HMGCLL1: variants seen among roughly 807,000 people sequenced by gnomAD.
HMGCLL1 encodes the protein 3-hydroxy-3-methylglutaryl-CoA lyase like 1, also known as 3-hydroxymethyl-3-methylglutaryl-CoA lyase, cytoplasmic.
In HMGCLL1, 36 loss-of-function variants were observed where a neutral mutation model predicts 39.1. That is an observed-to-expected ratio of 0.92 (90% CI 0.71 to 1.22). The LOEUF (loss-of-function observed/expected upper bound fraction) is 1.22. Ranked by LOEUF, HMGCLL1 falls within the 50% of genes most tolerant of loss-of-function variation. The pLI is 0.00. For synonymous variants in HMGCLL1, 149 were observed against 144.0 expected, an observed-to-expected ratio of 1.03 and a Z score of -0.25; for missense variants, 451 against 416.5, an observed-to-expected ratio of 1.08 and a Z score of -0.72.
At chr6:55,479,494 A>C (rs1185267579) in intron 7 of HMGCLL1, among the ~76,000 whole-genome samples, 2 of 151,586 alleles carry the variant, frequency 1.3e-5, no homozygotes, top group Non-Finnish European at 2.9e-5. Flanking sequence ...ACTTTCACAG[A>C]GCAATTACTA....
In HMGCLL1 at chr6:55,491,984, A is replaced by G. The variant is rs147237044; in HGVS notation, c.795+3435T>C. Among the ~76,000 whole-genome samples the G allele has an allele frequency of 1.1e-4, 17 of 152,126 alleles. No homozygotes were observed. In the East Asian group the frequency reaches 3.3e-3, roughly 29 times the overall value. ...AAGATCCCTCAGATCCCTCTACTAC[A>G]CTATTAGTGTGTGCTTTCCAGACTG... is the stretch of plus-strand genomic sequence containing the variant. On this transcript the variant is annotated intron_variant, in intron 7 of 8. Transcript: ENST00000274901.
At chr6:55,671,680 G>C in the HMGCLL1 span, among the ~76,000 whole-genome samples, 7 of 151,692 alleles carry the variant, frequency 4.6e-5, no homozygotes, top group South Asian at 2.1e-4. Context: ...CGTGGAGTTA[G>C]GTACCTGGGA....
At chr6:55,609,871 A>G in the HMGCLL1 span, among the ~76,000 whole-genome samples, 445 of 152,212 alleles carry the variant, frequency 2.9e-3, 1 homozygote, top group African/African-American at 0.01. Context: ...TGACATCTCT[A>G]GGTGCAGGTG....
chr6:55,622,695 A>G, the HMGCLL1 span, among the ~76,000 whole-genome samples: 3 of 152,074 alleles, frequency 2.0e-5, no homozygotes, highest in Admixed American at 6.6e-5. Context: ...ATCAACGTTC[A>G]TCAGATAAAT....
intron 1 of HMGCLL1, among the ~76,000 whole-genome samples, chr6:55,543,149 T>C (rs374325706): frequency 0.014 from 48 of 3,476 alleles, no homozygotes; most frequent in Middle Eastern, 0.083. Context: ...TATTATATAT[T>C]ATATATATTA....
At chr6:55,675,023 A>T in the HMGCLL1 span, among the ~76,000 whole-genome samples, 12 of 152,282 alleles carry the variant, frequency 7.9e-5, no homozygotes, top group African/African-American at 2.6e-4. Flanking sequence ...ATACTGATAC[A>T]TGCTGGAAGA....
chr6:55,556,987 ATTC>A (rs1770711838), intron 1 of HMGCLL1, among the ~76,000 whole-genome samples: 1 of 152,176 alleles, frequency 6.6e-6, no homozygotes, highest in Non-Finnish European at 1.5e-5. Context: ...TGTTAAATGT[ATTC>A]AAAACCTGCT....
At chr6:55,473,365 TC>T in intron 7 of HMGCLL1, among the ~76,000 whole-genome samples, 1 of 151,510 alleles carries the variant, frequency 6.6e-6, no homozygotes, top group African/African-American at 2.4e-5. Context: ...TTTATATGAT[TC>T]TTCTGTACTT....
At chr6:55,583,187 A>C (rs1391257630), upstream of HMGCLL1, among the ~76,000 whole-genome samples, 2 of 151,458 alleles carry the variant, frequency 1.3e-5, no homozygotes, top group South Asian at 4.2e-4. Context: ...GAAGCCATTT[A>C]TTTTTCTTTT....
At chr6:55,588,819 ATTC>A in the HMGCLL1 span, among the ~76,000 whole-genome samples, 1 of 152,200 alleles carries the variant, frequency 6.6e-6, no homozygotes. Flanking sequence ...AAATGGATAA[ATTC>A]TTCAACACAT....
chr6:55,463,006 G>C (rs1359745427), intron 7 of HMGCLL1, among the ~76,000 whole-genome samples: 2 of 150,080 alleles, frequency 1.3e-5, no homozygotes, highest in Admixed American at 6.7e-5. Flanking sequence ...TTGGTGTTGA[G>C]TCCAATCTTT....
At chr6:55,566,803 T>A (rs1362331882) in intron 1 of HMGCLL1, among the ~76,000 whole-genome samples, 1 of 152,122 alleles carries the variant, frequency 6.6e-6, no homozygotes, top group Non-Finnish European at 1.5e-5. Context: ...CCACCAGGAT[T>A]TAAAAGTAGG....
the HMGCLL1 span, among the ~76,000 whole-genome samples, chr6:55,654,791 T>A: frequency 1.3e-5 from 2 of 151,906 alleles, no homozygotes; most frequent in Non-Finnish European, 2.9e-5. Context: ...ATTATCAAAT[T>A]TCTTCTTCTC....
At chr6:55,634,785 T>C in the HMGCLL1 span, among the ~76,000 whole-genome samples, 3 of 152,188 alleles carry the variant, frequency 2.0e-5, no homozygotes, top group Non-Finnish European at 4.4e-5. Context: ...TTTTAGTCTC[T>C]AGAAGATGTT....
At chr6:55,472,537 A>T (rs543410584) in intron 7 of HMGCLL1, among the ~76,000 whole-genome samples, 384 of 151,632 alleles carry the variant, frequency 2.5e-3, no homozygotes, top group African/African-American at 8.3e-3. Flanking sequence ...TTTGTCATGT[A>T]TATTAATTCA....
chr6:55,495,848 C>A (rs1766548339), intron 6 of HMGCLL1, among the ~76,000 whole-genome samples: 1 of 151,984 alleles, frequency 6.6e-6, no homozygotes, highest in African/African-American at 2.4e-5. Flanking sequence ...AGAGTCATAT[C>A]TACCTATCTT....
chr6:55,437,975 T>C (rs561849257), intron 8 of HMGCLL1, among the ~76,000 whole-genome samples: 1 of 152,134 alleles, frequency 6.6e-6, no homozygotes, highest in East Asian at 1.9e-4. Context: ...TTGCCTTGGG[T>C]GACTAGTTGA....
intron 1 of HMGCLL1, among the ~76,000 whole-genome samples, chr6:55,543,722 G>A (rs1030313458): frequency 1.1e-4 from 16 of 150,730 alleles, no homozygotes; most frequent in African/African-American, 3.2e-4. Flanking sequence ...AATTAGTCAG[G>A]CGTGATGGGG....
chr6:55,590,329 G>A, the HMGCLL1 span, among the ~76,000 whole-genome samples: 1 of 151,992 alleles, frequency 6.6e-6, no homozygotes, highest in Admixed American at 6.6e-5. Context: ...TAATGGTGCT[G>A]GGAAATCTGG....
Sources: allele counts gnomAD v4.1 joint callset (sites outside exome capture counted in the v4.1 genomes callset), GRCh38; gene constraint gnomAD v4.1.1; transcripts MANE v1.5; gene names NCBI Gene and HGNC (gene_info 2026-07-23, HGNC 2026-07-21).